Variants in RALGAPA2 observed in about 807,000 individuals in gnomAD.
The protein encoded by RALGAPA2 is Ral GTPase activating protein catalytic subunit alpha 2, also known as ral GTPase-activating protein subunit alpha-2.
In RALGAPA2, 139 loss-of-function variants were observed where a neutral mutation model predicts 230.4. That is an observed-to-expected ratio of 0.60 (90% CI 0.53 to 0.69). RALGAPA2 has a LOEUF of 0.69. RALGAPA2 is among the 30% of genes least tolerant of loss of function. The pLI is 0.00. For missense variants in RALGAPA2, 2,163 were observed against 2,276.0 expected (o/e 0.95, Z 1.01); for synonymous variants, 847 against 837.8 (o/e 1.01, Z -0.19).
At chr20:20,563,872 A>G (rs982893337) in intron 23 of RALGAPA2, among the ~76,000 whole-genome samples, 4 of 151,940 alleles carry the variant, frequency 2.6e-5, no homozygotes, top group African/African-American at 9.7e-5. Context: ...GCATATATAT[A>G]CAAAATATAT....
intron 27 of RALGAPA2, among the ~76,000 whole-genome samples, chr20:20,529,792 T>C (rs1415174055): frequency 7.9e-5 from 12 of 152,216 alleles, no homozygotes; most frequent in Non-Finnish European, 1.5e-5. Flanking sequence ...GACACTCTTC[T>C]TAGAATGTAT....
At chr20:20,619,201 C>T in intron 12 of RALGAPA2, 76 bp downstream of exon 12, 6 of 1,359,540 alleles carry the variant, frequency 4.4e-6, no homozygotes, top group Non-Finnish European at 5.8e-6. Context: ...ATGACATTAT[C>T]CCCAATAAAC....
chr20:20,524,368 C>A lies in RALGAPA2; in HGVS notation c.3900+38G>T, dbSNP rs112139665. ...TTTTGGTGGTTCTCTGTCATATAAA[C>A]CCACACTCCATTCCCCCAGGCCCAG... On this transcript the variant is annotated intron_variant, in intron 30 of 39. Coordinates refer to ENST00000202677, the MANE Select transcript of RALGAPA2 (RefSeq NM_020343.4). The A allele has an allele frequency of 6.9e-4, 1,113 of 1,612,012 alleles. 9 individuals are homozygous for A. In the African/African-American group the frequency reaches 0.013, roughly 19 times the overall value.
intron 26 of RALGAPA2, among the ~76,000 whole-genome samples, chr20:20,534,181 A>G (rs1187416013): frequency 6.6e-6 from 1 of 152,218 alleles, no homozygotes; most frequent in Non-Finnish European, 1.5e-5. Context: ...GCAGTAGCTC[A>G]TGCCTGTAAT....
intron 38 of RALGAPA2, among the ~76,000 whole-genome samples, chr20:20,409,516 T>A (rs1010283284): frequency 2.6e-5 from 4 of 152,204 alleles, no homozygotes; most frequent in African/African-American, 9.6e-5. Context: ...AAGTGCACTG[T>A]GGGAGCTTAA....
At chr20:20,663,282 C>T (rs577392324) in intron 3 of RALGAPA2, among the ~76,000 whole-genome samples, 3 of 152,198 alleles carry the variant, frequency 2.0e-5, no homozygotes, top group South Asian at 2.1e-4. Flanking sequence ...AAAATACTAC[C>T]AATACTGAAC....
At chr20:20,652,536 T>C (rs1603203244) in intron 4 of RALGAPA2, among the ~76,000 whole-genome samples, 1 of 152,198 alleles carries the variant, frequency 6.6e-6, no homozygotes, top group East Asian at 1.9e-4. Context: ...CACAAATGTC[T>C]CTCCCTCAAC....
At chr20:20,403,582 T>C (rs1379397550) in intron 38 of RALGAPA2, among the ~76,000 whole-genome samples, 1 of 152,170 alleles carries the variant, frequency 6.6e-6, no homozygotes, top group Non-Finnish European at 1.5e-5. Flanking sequence ...TGTGATGCTG[T>C]TGGGTCAGCG....
chr20:20,429,347 G>T (rs1569392838), intron 37 of RALGAPA2, among the ~76,000 whole-genome samples: 1 of 152,250 alleles, frequency 6.6e-6, no homozygotes, highest in East Asian at 1.9e-4. Flanking sequence ...TTGTTGTTTG[G>T]TGCTAACAGG....
At position 20,392,482 on chromosome 20, in the gene RALGAPA2, G is replaced by A. The variant is rs1054952575; in HGVS notation, c.*807C>T. ...TGGTCTGTGTTGTTTTGAGCCTTGG[G>A]ACACTTCCTGTCCTGCAGGAACTTA... On this transcript the variant is annotated 3_prime_UTR_variant, in exon 40 of 40. Transcript: ENST00000202677. The A allele has an allele frequency of 2.6e-5, 4 of 152,668 alleles. No homozygotes were observed. The highest frequency in any genetic ancestry group is 5.8e-5 in the Non-Finnish European group (4 of 68,378). The allele number at this position is 152,668 out of a possible 1,614,324, so 9.5% of individuals were successfully genotyped here. A position where few individuals can be genotyped will look rare whatever the true frequency, so the allele number is the denominator to read the frequency against.
Position 20,597,966 on chromosome 20 carries a change from A to G in RALGAPA2, c.2203+3716T>C, listed in dbSNP as rs116430997. 8.5e-3 allele frequency among the ~76,000 whole-genome samples: 1,294 copies of G among 152,342 alleles called. 17 individuals are homozygous for G. The highest frequency in any genetic ancestry group is 0.03 in the African/African-American group (1,231 of 41,580). On this transcript the variant is annotated intron_variant, in intron 16 of 39. Transcript: ENST00000202677. ...GATTCAGTTCATCCTAGAATCACTG[A>G]AAAATAAATAGACATAGGCCTAATT... is the stretch of plus-strand genomic sequence containing the variant.
chr20:20,455,136 G>A (rs890662426), intron 37 of RALGAPA2, among the ~76,000 whole-genome samples: 1 of 152,206 alleles, frequency 6.6e-6, no homozygotes, highest in Non-Finnish European at 1.5e-5. Context: ...AGGGTGTTAC[G>A]AATCTAAGCC....
intron 1 of RALGAPA2, among the ~76,000 whole-genome samples, chr20:20,709,370 C>A (rs1297066363): frequency 6.6e-6 from 1 of 151,834 alleles, no homozygotes; most frequent in East Asian, 1.9e-4. Flanking sequence ...TGCCTGTAGC[C>A]CCAGCTACTC....
Position 20,480,644 on chromosome 20 carries a change from T to C in RALGAPA2, c.5368-7688A>G, listed in dbSNP as rs370246362. Among the ~76,000 whole-genome samples, 14 of 152,258 alleles carry C rather than the reference T, an allele frequency of 9.2e-5. No homozygotes were observed. The South Asian group carries it at 2.7e-3, about 29-fold the overall frequency. On this transcript the variant is annotated intron_variant, in intron 36 of 39. Coordinates refer to ENST00000202677, the MANE Select transcript of RALGAPA2 (RefSeq NM_020343.4). ...TGAGGCAGTAAAGGAGGCTCCAGGATAGACAGGGTGAGTGGTCCTGCCAGG... is the reference window on the plus strand; with the variant it reads ...TGAGGCAGTAAAGGAGGCTCCAGGACAGACAGGGTGAGTGGTCCTGCCAGG...
At chr20:20,663,504 C>A (rs1216573879) in intron 3 of RALGAPA2, among the ~76,000 whole-genome samples, 1 of 152,266 alleles carries the variant, frequency 6.6e-6, no homozygotes, top group Non-Finnish European at 1.5e-5. Flanking sequence ...AGAACGCTCA[C>A]CTTTTCACTT....
intron 38 of RALGAPA2, among the ~76,000 whole-genome samples, chr20:20,407,807 T>C (rs888930878): frequency 1.3e-5 from 2 of 152,128 alleles, no homozygotes; most frequent in African/African-American, 2.4e-5. Flanking sequence ...ATCCAAGCAA[T>C]TGTGTGAAAG....
chr20:20,624,491 T>C (rs1184581370), intron 10 of RALGAPA2, among the ~76,000 whole-genome samples: 1 of 152,114 alleles, frequency 6.6e-6, no homozygotes, highest in Non-Finnish European at 1.5e-5. Context: ...CAGGATGAAT[T>C]AATCTGTGTA....
chr20:20,520,613 C>A (rs1479801319), intron 31 of RALGAPA2, among the ~76,000 whole-genome samples: 1 of 152,140 alleles, frequency 6.6e-6, no homozygotes, highest in Non-Finnish European at 1.5e-5. Context: ...TTCTGGACTT[C>A]ACTGTGTGTT....
intron 38 of RALGAPA2, among the ~76,000 whole-genome samples, chr20:20,399,375 G>A (rs1193161022): frequency 6.7e-6 from 1 of 149,450 alleles, no homozygotes; most frequent in Admixed American, 6.7e-5. Flanking sequence ...TGTGACACTA[G>A]GTTATAGGGT....
Sources: allele counts gnomAD v4.1 joint callset (sites outside exome capture counted in the v4.1 genomes callset), GRCh38; gene constraint gnomAD v4.1.1; transcripts MANE v1.5; gene names NCBI Gene and HGNC (gene_info 2026-07-23, HGNC 2026-07-21).